Variants in RIMBP2 observed in about 807,000 individuals in gnomAD.
RIMBP2 encodes RIMS binding protein 2.
In RIMBP2, 48 loss-of-function variants were observed where a neutral mutation model predicts 118.6. The ratio of observed to expected loss-of-function variants is 0.40; its 90% CI spans 0.32 to 0.51. The LOEUF (loss-of-function observed/expected upper bound fraction) is 0.51, where lower values mean the gene tolerates loss of function less well. Ranked by LOEUF, RIMBP2 falls within the 20% of genes least tolerant of loss-of-function variation. The pLI is 0.41. For synonymous variants in RIMBP2, 762 were observed against 742.9 expected (o/e 1.03, Z -0.42); for missense variants, 1,551 against 1,768.3 (o/e 0.88, Z 2.20).
intron 4 of RIMBP2, among the ~76,000 whole-genome samples, chr12:130,503,114 G>A (rs918257905): frequency 5.3e-5 from 8 of 152,058 alleles, no homozygotes; most frequent in Non-Finnish European, 8.8e-5. Flanking sequence ...GAACACAGCT[G>A]GGCATGGTGG....
At chr12:130,438,344 A>AACAAAAAAAAACC in intron 12 of RIMBP2, 21 bp downstream of exon 12, 1 of 685,544 alleles carries the variant, frequency 1.5e-6, no homozygotes, top group African/African-American at 2.6e-5. Context: ...AACCCTCCCC[A>AACAAAAAAAAACC]CCCACCCAAC....
Position 130,442,369 on chromosome 12 carries a change from T to G in RIMBP2, c.983A>C (p.Lys328Thr). 6.2e-7 allele frequency: 1 copy of G among 1,614,154 alleles called. No homozygotes were observed. The highest frequency in any genetic ancestry group is 8.5e-7 in the Non-Finnish European group (1 of 1,180,018). ...GGGCTCCCAGCCCACAATAACACTT[T>G]TGGCGAGTTGTTTGATGAGGGTGAT... ...RKITLIKQLA[K>T]SVIVGWEPPA... Residue 328 changes from lysine (K) to threonine (T), a missense_variant, in exon 11 of 23, where the codon AAA becomes ACA. By Grantham distance (78) the Lys-to-Thr change is moderately conservative. Transcript: ENST00000690449. This position sits in a 1 kb window ranked among gnomAD's most constrained non-coding sequence, Gnocchi z 6.9.
At chr12:130,700,696 G>C (rs138928624) in intron 1 of RIMBP2, among the ~76,000 whole-genome samples, 1 of 152,202 alleles carries the variant, frequency 6.6e-6, no homozygotes, top group Non-Finnish European at 1.5e-5. Context: ...TCAGACTTTC[G>C]CGTTCAGAAC....
intron 1 of RIMBP2, among the ~76,000 whole-genome samples, chr12:130,707,714 G>T (rs1033803969): frequency 1.3e-5 from 2 of 152,174 alleles, no homozygotes; most frequent in Non-Finnish European, 1.5e-5. Flanking sequence ...AGGAGGCCTG[G>T]GGGCGCTGAG....
intron 5 of RIMBP2, 24 bp downstream of exon 5, chr12:130,478,888 C>G: frequency 6.3e-7 from 1 of 1,584,960 alleles, no homozygotes; most frequent in Non-Finnish European, 8.6e-7. Flanking sequence ...CCTCGCACGC[C>G]GCGCCCGGCT....
chr12:130,424,749 T>C lies in RIMBP2; in HGVS notation c.2522A>G (p.Asp841Gly). ...LFSIPEVAEE[D>G]GECCGLLHKQ... is the part of the protein sequence containing the mutation. The stretch of plus-strand genomic sequence containing the variant: ...GTGTAGCAGCCCACAGCACTCTCCG[T>C]CCTCTTCCGCTACTTCGGGGATACT... The change falls in exon 16 of 23, where the codon GAC becomes GGC. Residue 841 changes from aspartate to glycine, a missense_variant. By Grantham distance (94) the Asp-to-Gly change is moderately conservative. This residue lies in a region of RIMBP2 where 1,038 missense variants were observed against 1,125.1 expected (regional missense o/e 0.92). Coordinates refer to ENST00000690449, the MANE Select transcript of RIMBP2 (RefSeq NM_001393629.1). This position sits in a 1 kb window ranked among gnomAD's most constrained non-coding sequence, Gnocchi z 9.8. 8.1e-7 allele frequency: 1 copy of C among 1,232,362 alleles called. No individual in the cohort carries two copies. Among genetic ancestry groups the C allele is most frequent in the East Asian group, 3.2e-5 (1 of 31,682 alleles). 76.3% of individuals were successfully genotyped at this position (1,232,362 alleles called of 1,614,324 possible).
chr12:130,407,356 T>C (rs1465959669), intron 20 of RIMBP2, among the ~76,000 whole-genome samples: 4 of 152,180 alleles, frequency 2.6e-5, no homozygotes, highest in African/African-American at 9.7e-5. Flanking sequence ...GTTCTATGTG[T>C]GGGGCCTGAC....
rs145386937 is a variant in RIMBP2, at chr12:130,536,831, G to A, written c.-216-18914C>T. 2.0e-4 allele frequency among the ~76,000 whole-genome samples: 30 copies of A among 152,294 alleles called. No individual in the cohort carries two copies. The East Asian group carries it at 5.6e-3, about 28-fold the overall frequency. ...ATACCACCTTCACCAGGTGACCGTG[G>A]TTGACAGCACCAGCAGTAAGTCACA... On this transcript the variant is annotated intron_variant, in intron 2 of 22. Transcript: ENST00000690449.
intron 21 of RIMBP2, among the ~76,000 whole-genome samples, chr12:130,405,456 A>AC (rs1211067400): frequency 2.0e-5 from 3 of 151,922 alleles, no homozygotes; most frequent in Non-Finnish European, 4.4e-5. Context: ...CAAGGTGGGG[A>AC]CCCCCACTGG....
intron 1 of RIMBP2, among the ~76,000 whole-genome samples, chr12:130,697,592 G>C (rs542818421): frequency 3.3e-5 from 5 of 152,306 alleles, no homozygotes; most frequent in Non-Finnish European, 4.4e-5. Flanking sequence ...GAAGTTCAGG[G>C]AGGAATATTC....
intron 1 of RIMBP2, among the ~76,000 whole-genome samples, chr12:130,705,234 C>T (rs1329680978): frequency 6.6e-6 from 1 of 152,170 alleles, no homozygotes; most frequent in Non-Finnish European, 1.5e-5. Flanking sequence ...TGCCTGCACA[C>T]CCGAAGCCCA....
intron 4 of RIMBP2, among the ~76,000 whole-genome samples, chr12:130,482,981 A>G (rs1381276301): frequency 1.1e-5 from 1 of 88,572 alleles, no homozygotes; most frequent in African/African-American, 4.7e-5. Context: ...ACCTCATCCA[A>G]TTACACCCAT....
intron 1 of RIMBP2, among the ~76,000 whole-genome samples, chr12:130,656,399 C>T (rs1408436706): frequency 1.3e-5 from 2 of 152,188 alleles, no homozygotes; most frequent in Non-Finnish European, 2.9e-5. Flanking sequence ...GAAGCTTTCC[C>T]TTTCATGTCC....
intron 1 of RIMBP2, among the ~76,000 whole-genome samples, chr12:130,655,896 T>A (rs1480529342): frequency 6.6e-6 from 1 of 152,198 alleles, no homozygotes; most frequent in Admixed American, 6.5e-5. Context: ...ACGCAGCCCA[T>A]GGCAGAGGAG....
intron 11 of RIMBP2, among the ~76,000 whole-genome samples, chr12:130,439,580 T>TG (rs541867177): frequency 4.9e-5 from 6 of 122,174 alleles, no homozygotes; most frequent in South Asian, 3.0e-4. Flanking sequence ...TGTGGGTCTG[T>TG]GGGGGTATGT....
chr12:130,520,711 T>C (rs909025149), intron 2 of RIMBP2, among the ~76,000 whole-genome samples: 1 of 139,418 alleles, frequency 7.2e-6, no homozygotes, highest in African/African-American at 2.7e-5. Flanking sequence ...CACAGGGAGA[T>C]CTACTTGAAA....
chr12:130,472,077 A>C (rs1431409603), intron 5 of RIMBP2: 1 of 152,382 alleles, frequency 6.6e-6, no homozygotes, highest in Admixed American at 6.5e-5. Flanking sequence ...ACCAAGGCTG[A>C]AGCTGATCCA....
intron 1 of RIMBP2, among the ~76,000 whole-genome samples, chr12:130,696,981 G>C (rs2065603244): frequency 6.6e-6 from 1 of 152,172 alleles, no homozygotes. Context: ...TGTAAGGTGG[G>C]CAGGAGTCAG....
chr12:130,399,986 C>CA (rs1300472828), intron 21 of RIMBP2, among the ~76,000 whole-genome samples, 173 bp from the exon 22 acceptor site: 1 of 152,202 alleles, frequency 6.6e-6, no homozygotes, highest in Non-Finnish European at 1.5e-5. Flanking sequence ...TCCTCAGCAA[C>CA]ATGCAGAGTC....
Sources: gnomAD v4.1 joint callset for allele counts (sites outside exome capture counted in the v4.1 genomes callset) on GRCh38, gnomAD v4.1.1 for gene constraint, gnomAD v4.1.1 regional missense constraint, Gnocchi (gnomAD v3.1) non-coding constraint, MANE v1.5 for transcripts, NCBI Gene and HGNC (gene_info 2026-07-23, HGNC 2026-07-21) for gene names.